ACTN4: variants seen among roughly 807,000 people sequenced by gnomAD.
ACTN4 encodes the protein actinin alpha 4.
In ACTN4, 18 loss-of-function variants were observed where a neutral mutation model predicts 114.2. That is an observed-to-expected ratio of 0.16 (90% CI 0.11 to 0.23). The LOEUF (loss-of-function observed/expected upper bound fraction) is 0.23, where lower values mean the gene tolerates loss of function less well. ACTN4 is among the 10% of genes least tolerant of loss of function. ACTN4 has a pLI of 1.00. For missense variants in ACTN4, 722 were observed against 1,262.9 expected, an observed-to-expected ratio of 0.57 and a Z score of 6.49; for synonymous variants, 515 against 506.3, an observed-to-expected ratio of 1.02 and a Z score of -0.23.
rs1447571608 is a variant in ACTN4 at position 38,729,587 on chromosome 19, C to T, written c.*155C>T. On this transcript the variant is annotated 3_prime_UTR_variant, in exon 21 of 21. Coordinates refer to ENST00000252699, the MANE Select transcript of ACTN4 (RefSeq NM_004924.6). The stretch of plus-strand genomic sequence containing the variant: ...AGGGAGGGGCTGGGGCAGGCTCTCT[C>T]CTCTCTCTCTTTGTGGGTTGGCCAG... 22 of 1,067,324 alleles carry T rather than the reference C, an allele frequency of 2.1e-5. No homozygotes were observed. The highest frequency in any genetic ancestry group is 4.1e-5 in the South Asian group (3 of 74,058). 66.1% of individuals were successfully genotyped at this position (1,067,324 alleles called of 1,614,324 possible).
In ACTN4 at chr19:38,723,981, A is replaced by G; in HGVS notation, c.1596A>G (p.Glu532=). The G allele has an allele frequency of 1.2e-6, 2 of 1,613,762 alleles. No homozygotes were observed. Among genetic ancestry groups the G allele is most frequent in the East Asian group, 4.5e-5 (2 of 44,876 alleles). The change falls in exon 14 of 21, where the codon GAA becomes GAG. Residue 532 remains glutamate, a synonymous_variant. Transcript: ENST00000252699. ...AGGCCATCGACCAGCTGCACCTGGAATACGCCAAGCGCGCGGCCCCCTTCA... is the reference window on the plus strand; with the variant it reads ...AGGCCATCGACCAGCTGCACCTGGAGTACGCCAAGCGCGCGGCCCCCTTCA... The part of the protein sequence containing the change: ...QLEAIDQLHL[E]YAKRAAPFNN...
rs1483795091 is a variant in ACTN4, at chr19:38,717,086, C to T, written c.913C>T (p.Leu305Phe). The change falls in exon 10 of 21, where the codon CTC becomes TTC. Residue 305 changes from leucine (L) to phenylalanine (F), a missense_variant and splice_region_variant. Leu to Phe is a conservative substitution (Grantham distance 22). Coordinates refer to ENST00000252699, the MANE Select transcript of ACTN4 (RefSeq NM_004924.6). The surrounding 1 kb of genome is among the most constrained non-coding windows in gnomAD (Gnocchi z 4.0). ...CCACGCTGGCTTCTGTGGCCCACAG[C>T]TCCTGGAGTGGATCCGGCGCACCAT... The part of the protein sequence containing the change: ...MEDYEKLASD[L>F]LEWIRRTIPW... 1 of 1,612,544 alleles carries T rather than the reference C, an allele frequency of 6.2e-7. No individual in the cohort carries two copies. The highest frequency in any genetic ancestry group is 2.2e-5 in the East Asian group (1 of 44,818).
At chr19:38,649,000 G>T (rs1047157070) in intron 1 of ACTN4, among the ~76,000 whole-genome samples, 4 of 151,758 alleles carry the variant, frequency 2.6e-5, no homozygotes, top group Non-Finnish European at 5.9e-5. Context: ...TGAGGAGGGG[G>T]TGCTGGCTCC....
chr19:38,701,320 G>A (rs1007925679), intron 3 of ACTN4, among the ~76,000 whole-genome samples, 199 bp downstream of exon 3: 2 of 152,118 alleles, frequency 1.3e-5, no homozygotes, highest in African/African-American at 2.4e-5. Flanking sequence ...CAAACCCTTG[G>A]AAAAATCCGG....
intron 1 of ACTN4, among the ~76,000 whole-genome samples, chr19:38,673,385 A>G (rs1252287240): frequency 6.8e-6 from 1 of 147,150 alleles, no homozygotes; most frequent in Non-Finnish European, 1.5e-5. Context: ...ATTAAAAAAT[A>G]CCAACAATGA....
intron 1 of ACTN4, among the ~76,000 whole-genome samples, chr19:38,661,108 A>C (rs908643236): frequency 9.2e-5 from 14 of 152,312 alleles, no homozygotes; most frequent in Non-Finnish European, 1.8e-4. Context: ...GCACAGCCAG[A>C]TTGCTTAGAG....
intron 1 of ACTN4, chr19:38,648,373 G>A (rs1206539289): frequency 6.5e-6 from 1 of 154,148 alleles, no homozygotes; most frequent in East Asian, 1.9e-4. Flanking sequence ...TGGTTATTTG[G>A]AGAGCAGAAA....
Position 38,717,488 on chromosome 19 carries a change from G to C in ACTN4, c.1143+172G>C, listed in dbSNP as rs1010856536. ...AGGGGTGCACTTCACTCGGCATTGT[G>C]CTCCCCTTTGGCCCTCACTCACTGT... On this transcript the variant is annotated intron_variant, in intron 10 of 20. Coordinates refer to ENST00000252699, the MANE Select transcript of ACTN4 (RefSeq NM_004924.6). This position sits in a 1 kb window ranked among gnomAD's most constrained non-coding sequence, Gnocchi z 4.0. 6.6e-6 allele frequency among the ~76,000 whole-genome samples: 1 copy of C among 152,156 alleles called. No homozygotes were observed. The highest frequency in any genetic ancestry group is 2.4e-5 in the African/African-American group (1 of 41,436).
At position 38,731,115 on chromosome 19, in the gene ACTN4, CAGGTG is replaced by C; in HGVS notation, c.*1689_*1693del. ...GCCGGGGTGGTACTCACAGAAGATGCAGGTGAGGTGGGCCACACAGGACACGAACC... is the reference window on the plus strand; with the variant it reads ...GCCGGGGTGGTACTCACAGAAGATGCAGGTGGGCCACACAGGACACGAACC... On this transcript the variant is annotated 3_prime_UTR_variant, in exon 21 of 21. Transcript: ENST00000252699. The C allele has an allele frequency of 6.2e-7, 1 of 1,611,436 alleles. No individual in the cohort carries two copies. The highest frequency in any genetic ancestry group is 8.5e-7 in the Non-Finnish European group (1 of 1,179,306).
In ACTN4 at chr19:38,672,943, CT is replaced by C. The variant is rs35501640; in HGVS notation, c.162+25054del. Reference sequence around the variant, plus strand: ...GAGATGATGGGGTTGGCCATCCATTCTTTTTTTTTTTTTTTTTTGGAGACAG... The same window carrying C: ...GAGATGATGGGGTTGGCCATCCATTCTTTTTTTTTTTTTTTTTGGAGACAG... On this transcript the variant is annotated intron_variant, in intron 1 of 20. Coordinates refer to ENST00000252699, the MANE Select transcript of ACTN4 (RefSeq NM_004924.6). Among the ~76,000 whole-genome samples the C allele has an allele frequency of 5.0e-3, 618 of 122,892 alleles. 1 individual carries two copies. Among genetic ancestry groups the C allele is most frequent in the African/African-American group, 0.014 (454 of 32,914 alleles). The allele number at this position is 122,892 out of a possible 152,430, so 80.6% of individuals were successfully genotyped here.
At chr19:38,695,014 A>G (rs1009854748) in intron 1 of ACTN4, among the ~76,000 whole-genome samples, 1 of 152,060 alleles carries the variant, frequency 6.6e-6, no homozygotes, top group Non-Finnish European at 1.5e-5. Flanking sequence ...AGCTGGGACT[A>G]CAGGCGCTCA....
rs1244376129 is a variant in ACTN4, at chr19:38,717,280, G to A, written c.1107G>A (p.Arg369=). The change falls in exon 10 of 21, where the codon CGG becomes CGA. Residue 369 remains arginine, a synonymous_variant. Transcript: ENST00000252699. This position sits in a 1 kb window ranked among gnomAD's most constrained non-coding sequence, Gnocchi z 4.0. ...TLQTKLRLSN[R]PAFMPSEGKM... is the part of the protein sequence containing the mutation. ...AGACCAAGCTGCGCCTCAGCAACCGGCCCGCCTTCATGCCCTCCGAGGGCA... is the reference window on the plus strand; with the variant it reads ...AGACCAAGCTGCGCCTCAGCAACCGACCCGCCTTCATGCCCTCCGAGGGCA... The A allele has an allele frequency of 1.9e-6, 3 of 1,613,882 alleles. No individual in the cohort carries two copies. The highest frequency in any genetic ancestry group is 2.5e-6 in the Non-Finnish European group (3 of 1,180,030).
At position 38,660,323 on chromosome 19, in the gene ACTN4, T is replaced by G. The variant is rs73552662; in HGVS notation, c.162+12416T>G. ...TCAGATAGGATTATGTGCAATAAAT[T>G]AAATAACAGCTAGCATTTTACCTTG... On this transcript the variant is annotated intron_variant, in intron 1 of 20. Coordinates refer to ENST00000252699, the MANE Select transcript of ACTN4 (RefSeq NM_004924.6). 5.0e-3 allele frequency among the ~76,000 whole-genome samples: 757 copies of G among 152,226 alleles called. 1 individual carries two copies. Among genetic ancestry groups the G allele is most frequent in the African/African-American group, 0.018 (732 of 41,556 alleles).
At chr19:38,682,807 C>T (rs1967619951) in intron 1 of ACTN4, among the ~76,000 whole-genome samples, 1 of 152,256 alleles carries the variant, frequency 6.6e-6, no homozygotes, top group Non-Finnish European at 1.5e-5. Context: ...CCACCTAGCA[C>T]CTTCCCTGGG....
chr19:38,700,740 G>A (rs1317360385), intron 2 of ACTN4, 26 bp downstream of exon 2: 1 of 1,592,496 alleles, frequency 6.3e-7, no homozygotes, highest in Non-Finnish European at 8.6e-7. Flanking sequence ...ACGCAGTGCG[G>A]CCGAGCCCTG....
intron 1 of ACTN4, among the ~76,000 whole-genome samples, chr19:38,687,732 A>G (rs1289414649): frequency 6.6e-6 from 1 of 152,256 alleles, no homozygotes; most frequent in Non-Finnish European, 1.5e-5. Flanking sequence ...GGCAATGGTT[A>G]TTAGATATGA....
At chr19:38,677,370 AACAG>A (rs59162138) in intron 1 of ACTN4, among the ~76,000 whole-genome samples, 54,145 of 151,850 alleles carry the variant, frequency 0.36, 11,238 homozygotes, top group Non-Finnish European at 0.46. Flanking sequence ...TAGATAGCCA[AACAG>A]ACAGAATGGA....
Position 38,647,732 on chromosome 19 carries a change from C to A in ACTN4, c.-14C>A. The A allele has an allele frequency of 6.5e-7, 1 of 1,537,074 alleles. No individual in the cohort carries two copies. The highest frequency in any genetic ancestry group is 8.7e-7 in the Non-Finnish European group (1 of 1,142,874). On this transcript the variant is annotated 5_prime_UTR_variant, in exon 1 of 21. Transcript: ENST00000252699. ...GGGAGCGGACAGGCTGGTGGGCGAGCGAGAGGCGGCGGAATGGTGGACTAC... is the reference window on the plus strand; with the variant it reads ...GGGAGCGGACAGGCTGGTGGGCGAGAGAGAGGCGGCGGAATGGTGGACTAC...
At position 38,705,891 on chromosome 19, in the gene ACTN4, C is replaced by T. The variant is rs17589415; in HGVS notation, c.485-153C>T. Among the ~76,000 whole-genome samples, 22,810 of 152,252 alleles carry T rather than the reference C, an allele frequency of 0.15. 2,025 individuals carry two copies. The highest frequency in any genetic ancestry group is 0.35 in the Middle Eastern group (104 of 294). The stretch of plus-strand genomic sequence containing the variant: ...GCATCCGGAATGGGAGTGGCTGTCC[C>T]GCTGCTATCACTGCTGCTGTTGTTA... On this transcript the variant is annotated intron_variant, in intron 4 of 20. Transcript: ENST00000252699.
Sources: allele counts gnomAD v4.1 joint callset (sites outside exome capture counted in the v4.1 genomes callset), GRCh38; gene constraint gnomAD v4.1.1; non-coding constraint Gnocchi (gnomAD v3.1); transcripts MANE v1.5; gene names NCBI Gene and HGNC (gene_info 2026-07-23, HGNC 2026-07-21).